Variants in TRPC4AP observed in about 807,000 individuals in gnomAD.
TRPC4AP encodes transient receptor potential cation channel subfamily C member 4 associated protein.
Under a neutral mutation model 99.0 loss-of-function variants are expected in TRPC4AP, and 45 were observed. The observed-to-expected ratio is 0.45, with a 90% CI of 0.36 to 0.58. The LOEUF is 0.58. Among genes scored for constraint, TRPC4AP ranks in the 20% least tolerant of loss-of-function variants. The pLI, the probability that TRPC4AP is intolerant of heterozygous loss-of-function variation, is 0.00. For synonymous variants in TRPC4AP, 408 were observed against 385.8 expected, an observed-to-expected ratio of 1.06 and a Z score of -0.67; for missense variants, 879 against 985.3, an observed-to-expected ratio of 0.89 and a Z score of 1.44.
intron 7 of TRPC4AP, among the ~76,000 whole-genome samples, chr20:35,040,498 C>T (rs369904330): frequency 1.7e-4 from 26 of 152,282 alleles, no homozygotes; most frequent in African/African-American, 5.1e-4. Context: ...GTCCTCCAGC[C>T]GGGGAGCTAC....
chr20:35,014,862 A>G (rs2082715152), intron 10 of TRPC4AP, among the ~76,000 whole-genome samples: 1 of 152,172 alleles, frequency 6.6e-6, no homozygotes, highest in African/African-American at 2.4e-5. Context: ...CTTCTTTTGC[A>G]AGAAAACAGA....
rs115566706 is a variant in TRPC4AP, at chr20:35,015,386, C to T, written c.1350+622G>A. 4.9e-3 allele frequency among the ~76,000 whole-genome samples: 746 copies of T among 151,906 alleles called. 4 individuals are homozygous for T. The highest frequency in any genetic ancestry group is 0.016 in the African/African-American group (658 of 41,426). On this transcript the variant is annotated intron_variant, in intron 10 of 18. Coordinates refer to ENST00000252015, the MANE Select transcript of TRPC4AP (RefSeq NM_015638.3). ...GCTGCTAGCTCATGCAGTGGGCAGC[C>T]CCTGCCTGGAGTGAAATGAGATCCC... is the stretch of plus-strand genomic sequence containing the variant.
Position 35,002,977 on chromosome 20 carries a change from G to T in TRPC4AP, c.*169C>A. The T allele has an allele frequency of 1.1e-6, 1 of 892,602 alleles. No homozygotes were observed. The highest frequency in any genetic ancestry group is 2.6e-5 in the East Asian group (1 of 38,382). The allele number at this position is 892,602 out of a possible 1,614,324, so 55.3% of individuals were successfully genotyped here. On this transcript the variant is annotated 3_prime_UTR_variant, in exon 19 of 19. Transcript: ENST00000252015. ...GGCTCTCCATGACCTAGGGCCCTCA[G>T]ACCCAGGGGGACCAAGGGCTTCTAG...
At chr20:35,049,256 GTTT>G (rs78434747) in intron 6 of TRPC4AP, among the ~76,000 whole-genome samples, 2 of 140,012 alleles carry the variant, frequency 1.4e-5, no homozygotes, top group African/African-American at 5.2e-5. Context: ...GATCATAGCT[GTTT>G]TTTTTTTTTT....
chr20:35,047,611 G>C (rs1205966245), intron 6 of TRPC4AP, among the ~76,000 whole-genome samples: 1 of 152,114 alleles, frequency 6.6e-6, no homozygotes, highest in Non-Finnish European at 1.5e-5. Context: ...TTTTTGCTGG[G>C]GCAGTGGCTT....
At chr20:35,030,855 C>T (rs1600548764) in intron 8 of TRPC4AP, among the ~76,000 whole-genome samples, 1 of 150,968 alleles carries the variant, frequency 6.6e-6, no homozygotes, top group East Asian at 1.9e-4. Flanking sequence ...ATTACCTTTA[C>T]TTAAGGTGCT....
intron 3 of TRPC4AP, among the ~76,000 whole-genome samples, chr20:35,063,074 G>A (rs553119844): frequency 6.6e-6 from 1 of 152,234 alleles, no homozygotes; most frequent in African/African-American, 2.4e-5. Flanking sequence ...ACTGGATCAT[G>A]GAGGCAGGTC....
At chr20:35,044,313 C>T (rs981357073) in intron 7 of TRPC4AP, among the ~76,000 whole-genome samples, 192 bp downstream of exon 7, 12 of 150,984 alleles carry the variant, frequency 7.9e-5, no homozygotes, top group African/African-American at 2.9e-4. Context: ...ATCACCTGAG[C>T]CTGGGGAGGT....
At chr20:35,035,420 G>C (rs2083296089) in intron 7 of TRPC4AP, 112 bp from the exon 8 acceptor site, 5 of 1,120,760 alleles carry the variant, frequency 4.5e-6, no homozygotes, top group Non-Finnish European at 6.1e-6. Context: ...TCTGATAGTA[G>C]CTAAAGCTAC....
At chr20:35,038,278 A>ATT (rs35478505) in intron 7 of TRPC4AP, among the ~76,000 whole-genome samples, 17,615 of 148,232 alleles carry the variant, frequency 0.12, 1,497 homozygotes, top group African/African-American at 0.24. Flanking sequence ...TTGAGACACC[A>ATT]TTTTTTTTTT....
chr20:35,010,554 T>C (rs1452240156), intron 11 of TRPC4AP, among the ~76,000 whole-genome samples: 1 of 148,134 alleles, frequency 6.8e-6, no homozygotes, highest in Admixed American at 6.7e-5. Context: ...CCTCAGCAGC[T>C]CTGGGCCTTT....
At chr20:35,009,823 T>C (rs569430482) in intron 12 of TRPC4AP, among the ~76,000 whole-genome samples, 11 of 152,348 alleles carry the variant, frequency 7.2e-5, no homozygotes, top group African/African-American at 2.6e-4. Flanking sequence ...CTTCTGTCTG[T>C]CCTGCTTGGC....
intron 7 of TRPC4AP, among the ~76,000 whole-genome samples, chr20:35,038,599 G>A (rs981941050): frequency 8.5e-6 from 1 of 117,520 alleles, no homozygotes; most frequent in Admixed American, 9.1e-5. Flanking sequence ...GTACAAACAG[G>A]AGTCAATCTC....
chr20:35,012,202 A>G (rs192037722), intron 11 of TRPC4AP, among the ~76,000 whole-genome samples: 7 of 152,368 alleles, frequency 4.6e-5, no homozygotes, highest in Admixed American at 2.0e-4. Context: ...GGATGGGTGC[A>G]TATGATGGAG....
chr20:35,013,170 T>G lies in TRPC4AP; in HGVS notation c.1351-104A>C. 5.8e-6 allele frequency: 6 copies of G among 1,040,034 alleles called. No individual in the cohort carries two copies. The South Asian group carries it at 8.0e-5, about 14-fold the overall frequency. 64.4% of individuals were successfully genotyped at this position (1,040,034 alleles called of 1,614,324 possible). A position where few individuals can be genotyped will look rare whatever the true frequency, so the allele number is the denominator to read the frequency against. Reference sequence around the variant, plus strand: ...AGCCTGCTTCTCTAAGCCTCTGTCCTCATGTACCATGAGGACTTTTCTTTA... The same window carrying G: ...AGCCTGCTTCTCTAAGCCTCTGTCCGCATGTACCATGAGGACTTTTCTTTA... On this transcript the variant is annotated intron_variant, in intron 10 of 18. Coordinates refer to ENST00000252015, the MANE Select transcript of TRPC4AP (RefSeq NM_015638.3).
At chr20:35,016,192 A>G in intron 9 of TRPC4AP, 53 bp from the exon 10 acceptor site, 3 of 1,609,316 alleles carry the variant, frequency 1.9e-6, no homozygotes, top group Middle Eastern at 1.7e-4. Flanking sequence ...TGAAAAATCT[A>G]GCAAAACCTC....
rs147989682 is a variant in TRPC4AP, at chr20:35,031,050, T to C, written c.1051+4073A>G. 4.2e-3 allele frequency among the ~76,000 whole-genome samples: 636 copies of C among 152,316 alleles called. 6 individuals are homozygous for C. The highest frequency in any genetic ancestry group is 0.011 in the African/African-American group (447 of 41,564). On this transcript the variant is annotated intron_variant, in intron 8 of 18. Coordinates refer to ENST00000252015, the MANE Select transcript of TRPC4AP (RefSeq NM_015638.3). ...TTATTTCAACTTCATCTTTGAAACA[T>C]AGTTTTGTAAAATACAAGATTCTTG...
At chr20:35,073,851 C>A (rs938484555) in intron 2 of TRPC4AP, among the ~76,000 whole-genome samples, 1 of 152,184 alleles carries the variant, frequency 6.6e-6, no homozygotes, top group Non-Finnish European at 1.5e-5. Flanking sequence ...ATGGTACCAG[C>A]TCCTCTTTGT....
At chr20:35,043,283 G>A (rs533076219) in intron 7 of TRPC4AP, among the ~76,000 whole-genome samples, 20 of 142,328 alleles carry the variant, frequency 1.4e-4, no homozygotes, top group African/African-American at 4.7e-4. Context: ...GTCTAATTAT[G>A]TCGCCCAGGC....
Sources: allele counts gnomAD v4.1 joint callset (sites outside exome capture counted in the v4.1 genomes callset), GRCh38; gene constraint gnomAD v4.1.1; transcripts MANE v1.5; gene names NCBI Gene and HGNC (gene_info 2026-07-23, HGNC 2026-07-21).